Variants in TMEM132D observed in about 807,000 individuals in gnomAD.
TMEM132D encodes the protein mature OL transmembrane protein.
Under a neutral mutation model 62.3 loss-of-function variants are expected in TMEM132D, and 21 were observed. That is an observed-to-expected ratio of 0.34 (90% confidence interval 0.24 to 0.49). TMEM132D has a LOEUF of 0.49. Ranked by LOEUF, TMEM132D falls within the 20% of genes least tolerant of loss-of-function variation. The probability of loss-of-function intolerance (pLI) is 0.99; values close to 1 mark genes in which losing one functional copy is unlikely to be tolerated. For synonymous variants in TMEM132D, 621 were observed against 575.6 expected (o/e 1.08, Z -1.13); for missense variants, 1,346 against 1,402.8 (o/e 0.96, Z 0.65).
chr12:129,687,846 T>A (rs111303910), intron 2 of TMEM132D, among the ~76,000 whole-genome samples: 2 of 152,230 alleles, frequency 1.3e-5, no homozygotes, highest in African/African-American at 4.8e-5. Context: ...TTTCTATTGC[T>A]GAGTAACAAT....
intron 5 of TMEM132D, among the ~76,000 whole-genome samples, chr12:129,136,629 CATCACCATCACA>C (rs1876565935): frequency 6.6e-6 from 1 of 151,988 alleles, no homozygotes; most frequent in African/African-American, 2.4e-5. Context: ...TCATAATCAT[CATCACCATCACA>C]ATCACCATCA....
At chr12:129,349,380 A>G (rs1201082080) in intron 3 of TMEM132D, among the ~76,000 whole-genome samples, 1 of 152,202 alleles carries the variant, frequency 6.6e-6, no homozygotes, top group Non-Finnish European at 1.5e-5. Context: ...CCTGAGGTAG[A>G]ATGGTTTATA....
chr12:129,620,086 C>A (rs1044817916), intron 2 of TMEM132D, among the ~76,000 whole-genome samples: 1 of 152,156 alleles, frequency 6.6e-6, no homozygotes, highest in African/African-American at 2.4e-5. Flanking sequence ...TTGCTGTCAC[C>A]ACATCGCCAG....
intron 2 of TMEM132D, among the ~76,000 whole-genome samples, chr12:129,647,243 G>GTTTTTTTTTT (rs57450911): frequency 5.1e-5 from 6 of 117,590 alleles, no homozygotes; most frequent in East Asian, 2.5e-4. Flanking sequence ...TTGTTTTTCT[G>GTTTTTTTTTT]TTTTTTTTTT....
chr12:129,501,875 G>A (rs1207633828), intron 3 of TMEM132D, among the ~76,000 whole-genome samples: 6 of 152,104 alleles, frequency 3.9e-5, no homozygotes, highest in African/African-American at 1.4e-4. Flanking sequence ...TATCTTGGGT[G>A]TCATCAAAAC....
chr12:129,703,599 T>C (rs1441154316), intron 1 of TMEM132D, among the ~76,000 whole-genome samples: 1 of 152,120 alleles, frequency 6.6e-6, no homozygotes, highest in East Asian at 1.9e-4. Context: ...TGATTTTTAT[T>C]TAACATAAAA....
chr12:129,116,602 G>T (rs1357131011), intron 5 of TMEM132D, among the ~76,000 whole-genome samples: 1 of 152,006 alleles, frequency 6.6e-6, no homozygotes, highest in Non-Finnish European at 1.5e-5. Flanking sequence ...TCTTACCAAA[G>T]AATATATACA....
At chr12:129,106,503 C>G (rs1169467182) in intron 5 of TMEM132D, among the ~76,000 whole-genome samples, 2 of 152,130 alleles carry the variant, frequency 1.3e-5, no homozygotes, top group African/African-American at 4.8e-5. Flanking sequence ...TATCTCTGTA[C>G]AAATGACTGA....
intron 3 of TMEM132D, among the ~76,000 whole-genome samples, chr12:129,352,451 T>TC (rs1555249890): frequency 2.7e-5 from 4 of 148,084 alleles, no homozygotes; most frequent in African/African-American, 9.9e-5. Flanking sequence ...TTTTTTTTTT[T>TC]CTAGCATCAG....
intron 2 of TMEM132D, among the ~76,000 whole-genome samples, chr12:129,549,938 C>T (rs902254973): frequency 1.3e-5 from 2 of 152,148 alleles, no homozygotes; most frequent in African/African-American, 2.4e-5. Context: ...CCTCAAAACA[C>T]GAAGGTCTTC....
At chr12:129,181,490 C>A (rs1475597225) in intron 5 of TMEM132D, among the ~76,000 whole-genome samples, 1 of 152,196 alleles carries the variant, frequency 6.6e-6, no homozygotes, top group Non-Finnish European at 1.5e-5. Context: ...TGCTTAAGGA[C>A]ATTCAGTGGC....
Position 129,200,281 on chromosome 12 carries a change from G to C in TMEM132D, c.1443+9239C>G, listed in dbSNP as rs963650044. On this transcript the variant is annotated intron_variant, in intron 5 of 8. Coordinates refer to ENST00000422113, the MANE Select transcript of TMEM132D (RefSeq NM_133448.3). ...ATGGATTGAAGAAAGTGTCTATTGG[G>C]AGGCCAGTCTAATCCATTACCCCTG... 5.9e-5 allele frequency among the ~76,000 whole-genome samples: 9 copies of C among 152,264 alleles called. No homozygotes were observed. The East Asian group carries it at 1.7e-3, about 29-fold the overall frequency.
intron 1 of TMEM132D, among the ~76,000 whole-genome samples, chr12:129,845,754 C>T (rs1873341075): frequency 6.6e-6 from 1 of 152,130 alleles, no homozygotes; most frequent in Admixed American, 6.5e-5. Context: ...TTGGCATTGC[C>T]CAGGAAAGAA....
intron 1 of TMEM132D, among the ~76,000 whole-genome samples, chr12:129,754,987 T>A (rs1180991653): frequency 2.6e-5 from 4 of 152,156 alleles, no homozygotes; most frequent in Admixed American, 6.5e-5. Flanking sequence ...TATAAAAAAA[T>A]TTTCCAAAAC....
At chr12:129,472,098 C>T (rs1874108231) in intron 3 of TMEM132D, among the ~76,000 whole-genome samples, 1 of 152,232 alleles carries the variant, frequency 6.6e-6, no homozygotes. Context: ...ATGAAGATGG[C>T]TAAACTGAAC....
At chr12:129,832,595 G>T (rs919277668) in intron 1 of TMEM132D, among the ~76,000 whole-genome samples, 4 of 152,104 alleles carry the variant, frequency 2.6e-5, no homozygotes, top group African/African-American at 9.7e-5. Context: ...TATTTTTGTG[G>T]CTTCTGCAGC....
At position 129,254,320 on chromosome 12, in the gene TMEM132D, G is replaced by C. The variant is rs56980369; in HGVS notation, c.1300-44657C>G. Among the ~76,000 whole-genome samples the C allele has an allele frequency of 2.1e-4, 32 of 152,056 alleles. 1 individual carries two copies. The highest frequency in any genetic ancestry group is 4.3e-4 in the Non-Finnish European group (29 of 68,018). ...AAACCAGTATCAATATATCACATGC[G>C]TGCCCAAATATGTGCAACTATTATA... On this transcript the variant is annotated intron_variant, in intron 4 of 8. Transcript: ENST00000422113.
At chr12:129,086,258 G>A (rs998575324) in intron 5 of TMEM132D, among the ~76,000 whole-genome samples, 2 of 151,400 alleles carry the variant, frequency 1.3e-5, no homozygotes, top group Non-Finnish European at 2.9e-5. Flanking sequence ...CTTAAAATTC[G>A]TATATATTTA....
At chr12:129,833,540 G>A (rs868505113) in intron 1 of TMEM132D, among the ~76,000 whole-genome samples, 3 of 152,072 alleles carry the variant, frequency 2.0e-5, no homozygotes, top group African/African-American at 4.8e-5. Context: ...TGGGAGGATC[G>A]CTTGAGCCCA....
Sources: allele counts gnomAD v4.1 joint callset (sites outside exome capture counted in the v4.1 genomes callset), GRCh38; gene constraint gnomAD v4.1.1; transcripts MANE v1.5; gene names NCBI Gene and HGNC (gene_info 2026-07-23, HGNC 2026-07-21).